Variants in ARHGEF37 observed in about 807,000 individuals in gnomAD.
The protein encoded by ARHGEF37 is Rho guanine nucleotide exchange factor 37.
In ARHGEF37, 55 loss-of-function variants were observed where a neutral mutation model predicts 71.1. That is an observed-to-expected ratio of 0.77 (90% confidence interval 0.62 to 0.97). The LOEUF (loss-of-function observed/expected upper bound fraction) is 0.97, where lower values mean the gene tolerates loss of function less well. ARHGEF37 is among the 50% of genes least tolerant of loss of function. The pLI is 0.00. For missense variants in ARHGEF37, 765 were observed against 836.8 expected (o/e 0.91, Z 1.06); for synonymous variants, 327 against 350.6 (o/e 0.93, Z 0.75).
At chr5:149,604,624 C>T (rs1763856616) in intron 3 of ARHGEF37, among the ~76,000 whole-genome samples, 1 of 151,976 alleles carries the variant, frequency 6.6e-6, no homozygotes, top group Non-Finnish European at 1.5e-5. Flanking sequence ...CCTTCTAGCC[C>T]CTAGGCCTTG....
chr5:149,619,305 C>G (rs1268220587), intron 7 of ARHGEF37, among the ~76,000 whole-genome samples: 2 of 152,202 alleles, frequency 1.3e-5, no homozygotes, highest in Non-Finnish European at 2.9e-5. Flanking sequence ...CAGAGCAACT[C>G]TGCCAGACCA....
At chr5:149,602,249 G>A (rs1382311903) in intron 3 of ARHGEF37, among the ~76,000 whole-genome samples, 1 of 151,962 alleles carries the variant, frequency 6.6e-6, no homozygotes, top group Non-Finnish European at 1.5e-5. Context: ...TAGAGACAGG[G>A]TTTCACCGTA....
intron 12 of ARHGEF37, among the ~76,000 whole-genome samples, chr5:149,629,854 C>T (rs752743370): frequency 3.9e-5 from 6 of 152,224 alleles, no homozygotes; most frequent in Non-Finnish European, 7.3e-5. Context: ...GAATATTATT[C>T]AGCCATAGAG....
At chr5:149,589,278 AT>A (rs1321634269) in intron 1 of ARHGEF37, among the ~76,000 whole-genome samples, 1 of 151,904 alleles carries the variant, frequency 6.6e-6, no homozygotes, top group African/African-American at 2.4e-5. Flanking sequence ...TGCCCATATC[AT>A]TTTTTAAAAG....
At chr5:149,597,993 G>A (rs1435151339) in intron 2 of ARHGEF37, 38 bp downstream of exon 2, 4 of 1,505,432 alleles carry the variant, frequency 2.7e-6, no homozygotes, top group Non-Finnish European at 3.5e-6. Context: ...GTCTTTATAG[G>A]GGCAAATGTG....
chr5:149,567,634 T>C (rs2025071197), intron 1 of ARHGEF37, among the ~76,000 whole-genome samples: 1 of 152,256 alleles, frequency 6.6e-6, no homozygotes, highest in African/African-American at 2.4e-5. Context: ...CTTAATGGAT[T>C]ATAACCTGTT....
upstream of ARHGEF37, among the ~76,000 whole-genome samples, chr5:149,579,162 C>T (rs868821224): frequency 1.1e-4 from 17 of 152,096 alleles, no homozygotes; most frequent in Non-Finnish European, 1.2e-4. Context: ...CCATCACGTA[C>T]TTCTGAAAAA....
chr5:149,615,918 G>A (rs1580925449), intron 4 of ARHGEF37, among the ~76,000 whole-genome samples: 1 of 151,982 alleles, frequency 6.6e-6, no homozygotes, highest in East Asian at 1.9e-4. Context: ...AAAAAAACAC[G>A]AACATTTCTT....
chr5:149,603,733 C>T (rs1763827110), intron 3 of ARHGEF37, among the ~76,000 whole-genome samples: 1 of 152,102 alleles, frequency 6.6e-6, no homozygotes. Context: ...GTCAAGAGTT[C>T]GAGATCACCC....
At chr5:149,575,671 A>AT (rs751297275) in intron 1 of ARHGEF37, among the ~76,000 whole-genome samples, 7,429 of 106,934 alleles carry the variant, frequency 0.069, 970 homozygotes, top group Non-Finnish European at 0.093. Flanking sequence ...CCAAATGACT[A>AT]TTTTTTTTTT....
chr5:149,590,066 C>A (rs1763357729), intron 1 of ARHGEF37, among the ~76,000 whole-genome samples: 1 of 152,184 alleles, frequency 6.6e-6, no homozygotes, highest in South Asian at 2.1e-4. Flanking sequence ...ATTGTAGACC[C>A]ACTTTTTCCT....
intron 1 of ARHGEF37, among the ~76,000 whole-genome samples, chr5:149,572,936 A>T (rs137930114): frequency 0.018 from 2,694 of 152,208 alleles, 30 homozygotes; most frequent in Non-Finnish European, 0.027. Flanking sequence ...TTAAAAAAAA[A>T]TTTATTTAGC....
At chr5:149,568,482 TTC>T (rs1218692036) in intron 1 of ARHGEF37, among the ~76,000 whole-genome samples, 6 of 152,142 alleles carry the variant, frequency 3.9e-5, no homozygotes, top group African/African-American at 1.4e-4. Flanking sequence ...AGGTGTGCAA[TTC>T]TCTGAGCTTT....
intron 5 of ARHGEF37, among the ~76,000 whole-genome samples, chr5:149,617,136 C>T (rs1054109019): frequency 3.9e-5 from 6 of 152,224 alleles, no homozygotes; most frequent in Admixed American, 1.3e-4. Context: ...GGGTCATGTG[C>T]TTACCTTGAA....
At chr5:149,621,342 A>G (rs2113373674) in intron 8 of ARHGEF37, among the ~76,000 whole-genome samples, 1 of 152,188 alleles carries the variant, frequency 6.6e-6, no homozygotes, top group Admixed American at 6.5e-5. Context: ...GCATGTGCTA[A>G]GGTGGGAGGA....
chr5:149,586,979 A>G (rs1763259357), intron 1 of ARHGEF37, among the ~76,000 whole-genome samples: 3 of 152,200 alleles, frequency 2.0e-5, no homozygotes, highest in Admixed American at 2.0e-4. Context: ...TTTTTATTAA[A>G]TTAGCCTATG....
intron 9 of ARHGEF37, among the ~76,000 whole-genome samples, chr5:149,622,688 T>C (rs1752580807): frequency 6.6e-6 from 1 of 151,988 alleles, no homozygotes; most frequent in South Asian, 2.1e-4. Flanking sequence ...ACCACAACAC[T>C]CAAGAGCCTG....
chr5:149,610,317 A>G (rs966033972), intron 4 of ARHGEF37, among the ~76,000 whole-genome samples: 1 of 152,242 alleles, frequency 6.6e-6, no homozygotes, highest in Non-Finnish European at 1.5e-5. Flanking sequence ...GTCCTGCCAC[A>G]TGGAAAAGGG....
intron 10 of ARHGEF37, 130 bp from the exon 11 acceptor site, chr5:149,626,946 G>C: frequency 1.1e-6 from 1 of 946,486 alleles, no homozygotes; most frequent in Non-Finnish European, 1.6e-6. Flanking sequence ...CCTGATCAGG[G>C]TGGGCCCTTC....
Sources: gnomAD v4.1 joint callset for allele counts (sites outside exome capture counted in the v4.1 genomes callset) on GRCh38, gnomAD v4.1.1 for gene constraint, MANE v1.5 for transcripts, NCBI Gene and HGNC (gene_info 2026-07-23, HGNC 2026-07-21) for gene names.